ATF6: variants seen among roughly 807,000 people sequenced by gnomAD.
ATF6 encodes the protein cyclic AMP-dependent transcription factor ATF-6 alpha.
A neutral mutation model predicts 83.6 loss-of-function variants in ATF6; 53 were observed. The ratio of observed to expected loss-of-function variants is 0.63; its 90% confidence interval spans 0.51 to 0.80. The LOEUF is 0.80. Ranked by LOEUF, ATF6 falls within the 30% of genes least tolerant of loss-of-function variation. ATF6 has a pLI of 0.00. For synonymous variants in ATF6, 288 were observed against 285.8 expected (o/e 1.01, Z -0.08); for missense variants, 744 against 797.9 (o/e 0.93, Z 0.81).
At chr1:161,852,740 G>A (rs1686660972) in intron 11 of ATF6, among the ~76,000 whole-genome samples, 1 of 152,100 alleles carries the variant, frequency 6.6e-6, no homozygotes, top group Non-Finnish European at 1.5e-5. Context: ...CGCCTCCTGA[G>A]TAGCTGGGAC....
intron 9 of ATF6, among the ~76,000 whole-genome samples, chr1:161,835,394 A>G (rs1686188904): frequency 6.6e-6 from 1 of 152,158 alleles, no homozygotes; most frequent in Admixed American, 6.5e-5. Flanking sequence ...ACTGAGCCCT[A>G]CCCAAGACCT....
At chr1:161,786,322 C>CT (rs1275150397) in intron 4 of ATF6, among the ~76,000 whole-genome samples, 6 of 152,006 alleles carry the variant, frequency 3.9e-5, no homozygotes, top group Non-Finnish European at 8.8e-5. Flanking sequence ...GTCTTTTTCT[C>CT]TTTAATATTT....
chr1:161,904,400 C>T (rs1217784537), intron 14 of ATF6, among the ~76,000 whole-genome samples: 1 of 151,972 alleles, frequency 6.6e-6, no homozygotes, highest in East Asian at 1.9e-4. Flanking sequence ...CCAGCCTGGC[C>T]AACATAGCGA....
chr1:161,798,087 G>T (rs1685062687), intron 6 of ATF6, among the ~76,000 whole-genome samples: 2 of 152,140 alleles, frequency 1.3e-5, no homozygotes, highest in Non-Finnish European at 2.9e-5. Context: ...ATAAATGGTG[G>T]TAAGATAACT....
Position 161,830,936 on chromosome 1 carries a change from A to G in ATF6, c.1187+9775A>G, listed in dbSNP as rs1297614893. Among the ~76,000 whole-genome samples, 8 of 152,362 alleles carry G rather than the reference A, an allele frequency of 5.3e-5. No individual in the cohort carries two copies. In the East Asian group the frequency reaches 5.8e-4, roughly 11 times the overall value. On this transcript the variant is annotated intron_variant, in intron 9 of 15. Coordinates refer to ENST00000367942, the MANE Select transcript of ATF6 (RefSeq NM_007348.4). Reference sequence around the variant, plus strand: ...CCAAAAGCAATGGCAACAAAAGCCAAAATTGACAAATGGGATCTAATTAAA... The same window carrying G: ...CCAAAAGCAATGGCAACAAAAGCCAGAATTGACAAATGGGATCTAATTAAA...
intron 3 of ATF6, among the ~76,000 whole-genome samples, chr1:161,782,781 G>C (rs1414886163): frequency 1.6e-5 from 2 of 124,188 alleles, no homozygotes; most frequent in Non-Finnish European, 3.3e-5. Context: ...CAAAGTCAGT[G>C]TTCTGGTTTT....
intron 2 of ATF6, among the ~76,000 whole-genome samples, chr1:161,780,408 C>G (rs145473874): frequency 2.2e-3 from 331 of 151,308 alleles, no homozygotes; most frequent in African/African-American, 7.7e-3. Flanking sequence ...GAGTCTTGCT[C>G]TGTCGCCCAG....
chr1:161,897,590 C>T (rs1023595029), intron 14 of ATF6, among the ~76,000 whole-genome samples: 4 of 152,082 alleles, frequency 2.6e-5, no homozygotes, highest in African/African-American at 7.2e-5. Flanking sequence ...GTTTTCTGTT[C>T]GGGAGGAAGC....
rs371728191 is a variant in ATF6 at position 161,859,476 on chromosome 1, A to G, written c.1534-731A>G. On this transcript the variant is annotated intron_variant, in intron 12 of 15. Transcript: ENST00000367942. Reference sequence around the variant, plus strand: ...TACTGAAAGATGGATATATGGACACAGTAATGAACAAATGATTAAAAAATT... The same window carrying G: ...TACTGAAAGATGGATATATGGACACGGTAATGAACAAATGATTAAAAAATT... Among the ~76,000 whole-genome samples, 5 of 152,380 alleles carry G rather than the reference A, an allele frequency of 3.3e-5. No individual in the cohort carries two copies. The South Asian group carries it at 1.0e-3, about 32-fold the overall frequency.
chr1:161,917,072 A>G (rs972998745), intron 15 of ATF6, among the ~76,000 whole-genome samples: 2 of 152,140 alleles, frequency 1.3e-5, no homozygotes, highest in Non-Finnish European at 2.9e-5. Context: ...ACTTACCACC[A>G]TATCCCCAGC....
intron 3 of ATF6, among the ~76,000 whole-genome samples, chr1:161,782,954 G>A (rs535770728): frequency 2.3e-4 from 35 of 152,318 alleles, no homozygotes; most frequent in African/African-American, 7.7e-4. Context: ...CAACTGGGGA[G>A]ATTTGAAGAT....
intron 15 of ATF6, among the ~76,000 whole-genome samples, chr1:161,936,415 G>A (rs10918225): frequency 0.63 from 95,868 of 151,990 alleles, 32,010 homozygotes; most frequent in Non-Finnish European, 0.75. Flanking sequence ...GAAGAATGCA[G>A]TATCCATCCC....
chr1:161,944,835 A>G (rs1688719699), intron 15 of ATF6, among the ~76,000 whole-genome samples: 1 of 152,236 alleles, frequency 6.6e-6, no homozygotes, highest in Non-Finnish European at 1.5e-5. Flanking sequence ...ATGGCCTGGC[A>G]TTCTTTGTCA....
intron 1 of ATF6, among the ~76,000 whole-genome samples, chr1:161,773,457 G>A (rs944357602): frequency 2.6e-5 from 4 of 151,962 alleles, no homozygotes; most frequent in African/African-American, 4.8e-5. Context: ...GTAGAGATGG[G>A]GTTTCACCAT....
intron 14 of ATF6, among the ~76,000 whole-genome samples, chr1:161,878,476 TATAG>T (rs1363877390): frequency 5.9e-5 from 9 of 151,908 alleles, no homozygotes; most frequent in Non-Finnish European, 1.5e-5. Context: ...GAAGAGAGTA[TATAG>T]AGAGAGGAGG....
intron 7 of ATF6, among the ~76,000 whole-genome samples, chr1:161,803,785 C>T (rs1359782981): frequency 6.6e-6 from 1 of 151,990 alleles, no homozygotes; most frequent in Non-Finnish European, 1.5e-5. Context: ...TCATGGGAGA[C>T]CAACCAGGTT....
intron 5 of ATF6, 124 bp downstream of exon 5, chr1:161,791,661 G>A (rs1232237842): frequency 2.9e-6 from 3 of 1,051,406 alleles, no homozygotes; most frequent in Admixed American, 3.0e-5. Flanking sequence ...TTTAATTGGT[G>A]GACCTATATT....
At chr1:161,813,041 A>C (rs1188061934) in intron 7 of ATF6, among the ~76,000 whole-genome samples, 1 of 152,132 alleles carries the variant, frequency 6.6e-6, no homozygotes. Flanking sequence ...GTCCTGATGC[A>C]GCTCAGACTT....
intron 15 of ATF6, among the ~76,000 whole-genome samples, chr1:161,917,596 A>T (rs1688126875): frequency 6.6e-6 from 1 of 151,698 alleles, no homozygotes; most frequent in African/African-American, 2.4e-5. Context: ...AATTTTTTGT[A>T]TTTTCAGTAG....
Sources: allele counts gnomAD v4.1 joint callset (sites outside exome capture counted in the v4.1 genomes callset), GRCh38; gene constraint gnomAD v4.1.1; transcripts MANE v1.5; gene names NCBI Gene and HGNC (gene_info 2026-07-23, HGNC 2026-07-21).